CORO2B: variants seen among roughly 807,000 people sequenced by gnomAD.
CORO2B encodes the protein coronin 2B.
A neutral mutation model predicts 58.8 loss-of-function variants in CORO2B; 26 were observed. The observed-to-expected ratio is 0.44, with a 90% confidence interval of 0.32 to 0.61. The LOEUF (loss-of-function observed/expected upper bound fraction) is 0.61, where lower values mean the gene tolerates loss of function less well. CORO2B is among the 20% of genes least tolerant of loss of function. The pLI, the probability that CORO2B is intolerant of heterozygous loss-of-function variation, is 0.04. For synonymous variants in CORO2B, 242 were observed against 253.8 expected (o/e 0.95, Z 0.44); for missense variants, 460 against 645.1 (o/e 0.71, Z 3.11).
the CORO2B span, among the ~76,000 whole-genome samples, chr15:68,537,402 G>A: frequency 2.6e-5 from 4 of 152,318 alleles, no homozygotes; most frequent in South Asian, 8.3e-4. Flanking sequence ...CTATGACTTA[G>A]GGCAGAGGTT....
intron 1 of CORO2B, among the ~76,000 whole-genome samples, chr15:68,597,652 A>AT (rs904059191): frequency 1.6e-4 from 25 of 151,820 alleles, no homozygotes; most frequent in Non-Finnish European, 3.5e-4. Context: ...AAATAAATAA[A>AT]AAATAAAAAA....
chr15:68,681,671 G>A (rs537345018), intron 2 of CORO2B, among the ~76,000 whole-genome samples: 2 of 152,048 alleles, frequency 1.3e-5, no homozygotes, highest in South Asian at 2.1e-4. Flanking sequence ...CAGGGTGTGC[G>A]TGCCCCTCGA....
At chr15:68,664,640 C>G (rs1487017674) in intron 2 of CORO2B, among the ~76,000 whole-genome samples, 1 of 151,882 alleles carries the variant, frequency 6.6e-6, no homozygotes, top group Non-Finnish European at 1.5e-5. Flanking sequence ...GAGCGAGACT[C>G]TGTCTCAAAA....
chr15:68,644,021 C>T (rs1037732402), intron 1 of CORO2B, among the ~76,000 whole-genome samples: 2 of 150,616 alleles, frequency 1.3e-5, no homozygotes, highest in African/African-American at 4.9e-5. Context: ...TGGGTGACAG[C>T]CCCATCTCAA....
chr15:68,619,249 A>C (rs1900448754), intron 1 of CORO2B, among the ~76,000 whole-genome samples: 1 of 152,052 alleles, frequency 6.6e-6, no homozygotes, highest in Non-Finnish European at 1.5e-5. Flanking sequence ...TTATATATTC[A>C]TTTTGCCTTG....
intron 2 of CORO2B, among the ~76,000 whole-genome samples, chr15:68,688,030 A>C (rs957600949): frequency 3.9e-5 from 6 of 152,240 alleles, no homozygotes; most frequent in Non-Finnish European, 1.5e-5. Flanking sequence ...ATTGGTAACA[A>C]GGGTGTAGAG....
chr15:68,585,864 T>C (rs1273621188), intron 1 of CORO2B, among the ~76,000 whole-genome samples: 3 of 152,186 alleles, frequency 2.0e-5, no homozygotes, highest in Admixed American at 2.0e-4. Flanking sequence ...GACATCAGAT[T>C]GGGCTGCTTG....
At chr15:68,685,501 C>G (rs1295399140) in intron 2 of CORO2B, among the ~76,000 whole-genome samples, 1 of 152,158 alleles carries the variant, frequency 6.6e-6, no homozygotes, top group Non-Finnish European at 1.5e-5. Context: ...CGTGAGCCAC[C>G]GTGCCCAGCT....
At chr15:68,581,706 G>T (rs1021108081) in intron 1 of CORO2B, among the ~76,000 whole-genome samples, 1 of 152,200 alleles carries the variant, frequency 6.6e-6, no homozygotes, top group Non-Finnish European at 1.5e-5. Context: ...CTGAGGGGTG[G>T]TCTGTTTACA....
At chr15:68,594,449 C>A (rs1899779473) in intron 1 of CORO2B, among the ~76,000 whole-genome samples, 1 of 152,206 alleles carries the variant, frequency 6.6e-6, no homozygotes, top group Non-Finnish European at 1.5e-5. Context: ...AGGTGAGCAG[C>A]CCTGGCAGGA....
chr15:68,618,985 A>T (rs1900441873), intron 1 of CORO2B, among the ~76,000 whole-genome samples: 1 of 152,224 alleles, frequency 6.6e-6, no homozygotes, highest in African/African-American at 2.4e-5. Context: ...ATCAGCATAG[A>T]AGATGGGCTC....
the CORO2B span, among the ~76,000 whole-genome samples, chr15:68,529,527 T>C: frequency 1.3e-5 from 2 of 152,240 alleles, no homozygotes; most frequent in Admixed American, 6.5e-5. Context: ...TCATTCATTA[T>C]ATTCCCTTAC....
chr15:68,623,588 G>A (rs1228016181), intron 1 of CORO2B, among the ~76,000 whole-genome samples: 2 of 152,166 alleles, frequency 1.3e-5, no homozygotes, highest in African/African-American at 4.8e-5. Flanking sequence ...TCATCTCAGG[G>A]CAGTGCGGTT....
At chr15:68,632,216 C>T (rs183966400) in intron 1 of CORO2B, 27 of 985,518 alleles carry the variant, frequency 2.7e-5, no homozygotes, top group Admixed American at 2.5e-4. Context: ...TTCATCCACA[C>T]GGCCCATCTG....
At chr15:68,715,368 GC>G in intron 8 of CORO2B, 57 bp downstream of exon 8, 1 of 1,237,582 alleles carries the variant, frequency 8.1e-7, no homozygotes, top group Non-Finnish European at 1.2e-6. Flanking sequence ...AGGACATCTG[GC>G]CCATGGGTCA....
chr15:68,615,890 A>G (rs74020254), intron 1 of CORO2B, among the ~76,000 whole-genome samples: 5,605 of 152,292 alleles, frequency 0.037, 359 homozygotes, highest in African/African-American at 0.12. Context: ...GAGACAAGAA[A>G]GAAGATCATA....
In CORO2B at chr15:68,661,603, A is replaced by G. The variant is rs147889545; in HGVS notation, c.216+16243A>G. 1.3e-3 allele frequency among the ~76,000 whole-genome samples: 198 copies of G among 152,344 alleles called. 4 individuals are homozygous for G. Among genetic ancestry groups the G allele is most frequent in the East Asian group, 7.7e-4 (4 of 5,184 alleles). ...TGACTACATTTGCACAAAACAGTAG[A>G]GTTAGCCTACCCCTTTCTGCCTTAA... On this transcript the variant is annotated intron_variant, in intron 2 of 11. Transcript: ENST00000261861.
At chr15:68,528,467 A>G in the CORO2B span, among the ~76,000 whole-genome samples, 1 of 152,146 alleles carries the variant, frequency 6.6e-6, no homozygotes, top group African/African-American at 2.4e-5. Context: ...TATCAAATCA[A>G]TCTTGTTTTC....
chr15:68,608,842 C>G (rs1335513269), intron 1 of CORO2B, among the ~76,000 whole-genome samples: 2 of 152,190 alleles, frequency 1.3e-5, no homozygotes, highest in African/African-American at 4.8e-5. Flanking sequence ...CACTCTCATC[C>G]TCAGCATCAT....
Sources: gnomAD v4.1 joint callset for allele counts (sites outside exome capture counted in the v4.1 genomes callset) on GRCh38, gnomAD v4.1.1 for gene constraint, MANE v1.5 for transcripts, NCBI Gene and HGNC (gene_info 2026-07-23, HGNC 2026-07-21) for gene names.